The following GREB1L variants were observed in gnomAD, a reference collection of about 807,000 sequenced individuals.
The protein encoded by GREB1L is GREB1 like retinoic acid receptor coactivator, also known as GREB1-like protein.
A neutral mutation model predicts 200.8 loss-of-function variants in GREB1L; 17 were observed. That is an observed-to-expected ratio of 0.08 (90% CI 0.06 to 0.13). GREB1L has a LOEUF of 0.13. GREB1L is among the 10% of genes least tolerant of loss of function. The pLI is 1.00. For synonymous variants in GREB1L, 789 were observed against 893.0 expected (o/e 0.88, Z 2.08); for missense variants, 1,657 against 2,367.7 (o/e 0.70, Z 6.23).
chr18:21,284,630 A>G (rs1203505151), intron 1 of GREB1L, among the ~76,000 whole-genome samples: 8 of 152,226 alleles, frequency 5.3e-5, no homozygotes, highest in Non-Finnish European at 7.3e-5. Flanking sequence ...TTGCTGCTGC[A>G]GTGAACATCG....
At chr18:21,445,012 A>G (rs1363741925) in intron 11 of GREB1L, among the ~76,000 whole-genome samples, 2 of 152,142 alleles carry the variant, frequency 1.3e-5, no homozygotes, top group African/African-American at 2.4e-5. Flanking sequence ...CACTTCCTCT[A>G]TCTGATATAT....
intron 1 of GREB1L, among the ~76,000 whole-genome samples, chr18:21,245,955 C>T (rs949835892): frequency 1.1e-4 from 16 of 152,334 alleles, no homozygotes; most frequent in African/African-American, 3.6e-4. Context: ...CGATCTCGAC[C>T]TCGTGATCTG....
At chr18:21,400,472 A>G (rs897882605) in intron 5 of GREB1L, among the ~76,000 whole-genome samples, 1 of 152,154 alleles carries the variant, frequency 6.6e-6, no homozygotes, top group Non-Finnish European at 1.5e-5. Context: ...CAAAGCCCTG[A>G]ATTTGAACAT....
intron 1 of GREB1L, among the ~76,000 whole-genome samples, chr18:21,302,274 T>C (rs998491724): frequency 2.0e-5 from 3 of 152,350 alleles, no homozygotes; most frequent in African/African-American, 7.2e-5. Context: ...AGTAGTAGTA[T>C]GCTTTTTTGG....
intron 7 of GREB1L, among the ~76,000 whole-genome samples, chr18:21,410,462 C>T (rs2030835096): frequency 6.6e-6 from 1 of 151,900 alleles, no homozygotes; most frequent in African/African-American, 2.4e-5. Flanking sequence ...TCAAGACCAG[C>T]CTGGGCAACA....
chr18:21,455,147 A>G (rs1444867820), intron 15 of GREB1L: 1 of 153,270 alleles, frequency 6.5e-6, no homozygotes, highest in Non-Finnish European at 1.5e-5. Flanking sequence ...AAAAAATGTT[A>G]CAAGTCTGTG....
chr18:21,326,875 C>T (rs776477197), intron 1 of GREB1L, among the ~76,000 whole-genome samples: 4 of 152,144 alleles, frequency 2.6e-5, no homozygotes, highest in Non-Finnish European at 4.4e-5. Context: ...AACTTGCTCT[C>T]ATTTCCCATT....
chr18:21,328,181 C>A (rs754263025), intron 1 of GREB1L, among the ~76,000 whole-genome samples: 2 of 152,188 alleles, frequency 1.3e-5, no homozygotes, highest in East Asian at 1.9e-4. Context: ...GCCATTGCCC[C>A]CCCCCGTTCC....
intron 23 of GREB1L, 47 bp downstream of exon 23, chr18:21,500,689 C>A: frequency 7.7e-7 from 1 of 1,299,416 alleles, no homozygotes; most frequent in Admixed American, 2.8e-5. Context: ...GAGACAAAGA[C>A]ATTGAATTGC....
chr18:21,439,975 A>G (rs1402259818), intron 8 of GREB1L, among the ~76,000 whole-genome samples: 1 of 152,252 alleles, frequency 6.6e-6, no homozygotes, highest in East Asian at 1.9e-4. Context: ...AATGGGTATA[A>G]CAACAATATT....
chr18:21,503,520 T>A (rs1183459197), intron 23 of GREB1L, among the ~76,000 whole-genome samples: 1 of 149,886 alleles, frequency 6.7e-6, no homozygotes, highest in Non-Finnish European at 1.5e-5. Context: ...ATAAAAAATA[T>A]AATGTTAGAC....
At chr18:21,391,520 A>G (rs1244959275) in intron 4 of GREB1L, among the ~76,000 whole-genome samples, 1 of 152,236 alleles carries the variant, frequency 6.6e-6, no homozygotes, top group Non-Finnish European at 1.5e-5. Flanking sequence ...AATGAGGTCA[A>G]AGGAGCAGTT....
chr18:21,270,242 T>G (rs559616752), intron 1 of GREB1L, among the ~76,000 whole-genome samples: 2 of 152,350 alleles, frequency 1.3e-5, no homozygotes, highest in African/African-American at 4.8e-5. Flanking sequence ...CATTTATGCT[T>G]AACTCTGAGA....
chr18:21,366,687 G>A (rs184773096), intron 2 of GREB1L, among the ~76,000 whole-genome samples: 1 of 135,708 alleles, frequency 7.4e-6, no homozygotes, highest in Non-Finnish European at 1.5e-5. Context: ...CTACTGTTTA[G>A]GTAACTCCTG....
rs1273385814 is a variant in GREB1L, at chr18:21,500,223, G to A, written c.3886G>A (p.Ala1296Thr). 5.2e-6 allele frequency: 8 copies of A among 1,534,130 alleles called. No individual in the cohort carries two copies. The highest frequency in any genetic ancestry group is 2.0e-5 in the Admixed American group (1 of 50,982). Residue 1296 changes from alanine (A) to threonine (T), a missense_variant, in exon 22 of 33, where the codon GCT (alanine) becomes ACT (threonine). Coordinates refer to ENST00000424526, the MANE Select transcript of GREB1L (RefSeq NM_001142966.3). Reference sequence around the variant, plus strand: ...GTGGACCTTGGCCCGGCAGCACCACGCTGACTATAGCAACCAGCTGGACCC... The same window carrying A: ...GTGGACCTTGGCCCGGCAGCACCACACTGACTATAGCAACCAGCTGGACCC... Reference protein sequence around the residue: ...RQWTLARQHHADYSNQLDPAS... With the variant: ...RQWTLARQHHTDYSNQLDPAS...
chr18:21,292,857 A>G (rs1362285305), intron 1 of GREB1L, among the ~76,000 whole-genome samples: 1 of 152,206 alleles, frequency 6.6e-6, no homozygotes, highest in Non-Finnish European at 1.5e-5. Flanking sequence ...ATGCTACTGT[A>G]GTTGTAGTTA....
chr18:21,360,492 C>G (rs1020701204), intron 1 of GREB1L, among the ~76,000 whole-genome samples: 2 of 152,228 alleles, frequency 1.3e-5, no homozygotes, highest in African/African-American at 4.8e-5. Context: ...TCCCAAAGTG[C>G]TGGGATTACA....
At chr18:21,382,783 AC>A (rs1461355217) in intron 2 of GREB1L, among the ~76,000 whole-genome samples, 1 of 152,064 alleles carries the variant, frequency 6.6e-6, no homozygotes, top group Admixed American at 6.5e-5. Context: ...CACTATGCCC[AC>A]CCTATACATG....
chr18:21,439,704 G>A lies in GREB1L; in HGVS notation c.949+67G>A, dbSNP rs145100802. 34 of 996,814 alleles carry A rather than the reference G, an allele frequency of 3.4e-5. No individual in the cohort carries two copies. In the African/African-American group the frequency reaches 5.1e-4, roughly 15 times the overall value. 61.7% of individuals were successfully genotyped at this position (996,814 alleles called of 1,614,324 possible). On this transcript the variant is annotated intron_variant, in intron 8 of 32. Transcript: ENST00000424526. Reference sequence around the variant, plus strand: ...AGTGGTTACAAGTGCTCCAGATTTTGTAATGAATTATCTGGCAACACACTC... The same window carrying A: ...AGTGGTTACAAGTGCTCCAGATTTTATAATGAATTATCTGGCAACACACTC...
Sources: allele counts gnomAD v4.1 joint callset (sites outside exome capture counted in the v4.1 genomes callset), GRCh38; gene constraint gnomAD v4.1.1; transcripts MANE v1.5; gene names NCBI Gene and HGNC (gene_info 2026-07-23, HGNC 2026-07-21).